Variants in NKAIN2 observed in about 807,000 individuals in gnomAD.
The protein encoded by NKAIN2 is sodium/potassium transporting ATPase interacting 2.
Under a neutral mutation model 32.6 loss-of-function variants are expected in NKAIN2, and 14 were observed. The observed-to-expected ratio is 0.43, with a 90% CI of 0.28 to 0.67. NKAIN2 has a LOEUF of 0.67. Ranked by LOEUF, NKAIN2 falls within the 30% of genes least tolerant of loss-of-function variation. The pLI, the probability that NKAIN2 is intolerant of heterozygous loss-of-function variation, is 0.17. For synonymous variants in NKAIN2, 80 were observed against 87.2 expected, an observed-to-expected ratio of 0.92 and a Z score of 0.46; for missense variants, 198 against 258.3, an observed-to-expected ratio of 0.77 and a Z score of 1.60.
chr6:124,108,216 A>G (rs1785206968), intron 1 of NKAIN2, among the ~76,000 whole-genome samples: 1 of 152,072 alleles, frequency 6.6e-6, no homozygotes, highest in Non-Finnish European at 1.5e-5. Context: ...AGACATCCTA[A>G]TAGGTACAAG....
At chr6:124,390,582 C>T (rs1305030107) in intron 3 of NKAIN2, among the ~76,000 whole-genome samples, 1 of 152,058 alleles carries the variant, frequency 6.6e-6, no homozygotes, top group Non-Finnish European at 1.5e-5. Flanking sequence ...GTTAGAGATA[C>T]ATGAACAGAG....
chr6:123,925,074 T>A (rs2114503032), intron 1 of NKAIN2, among the ~76,000 whole-genome samples: 1 of 152,294 alleles, frequency 6.6e-6, no homozygotes, highest in South Asian at 2.1e-4. Flanking sequence ...AATGGAATTT[T>A]TTTTGTTGCT....
At chr6:124,282,948 C>G (rs749252586) in intron 1 of NKAIN2, 57 bp from the exon 2 acceptor site, 1 of 1,511,866 alleles carries the variant, frequency 6.6e-7, no homozygotes, top group Non-Finnish European at 9.1e-7. Flanking sequence ...CTTTTTTCCT[C>G]TCACCACTGT....
At chr6:124,589,776 G>A (rs752662566) in intron 3 of NKAIN2, among the ~76,000 whole-genome samples, 1 of 151,976 alleles carries the variant, frequency 6.6e-6, no homozygotes, top group Non-Finnish European at 1.5e-5. Flanking sequence ...TCGTCATCTA[G>A]GTTTTAAGCC....
At position 124,257,186 on chromosome 6, in the gene NKAIN2, A is replaced by T. The variant is rs57755585; in HGVS notation, c.55-25819A>T. ...GGCTGAAGAATTTTGAGCTTTTTTT[A>T]TTTATTGTCTCTGTTGTGCTGAACT... On this transcript the variant is annotated intron_variant, in intron 1 of 6. Transcript: ENST00000368417. Among the ~76,000 whole-genome samples the T allele has an allele frequency of 5.4e-4, 29 of 53,790 alleles. No individual in the cohort carries two copies. The East Asian group carries it at 7.3e-3, about 13-fold the overall frequency. The allele number at this position is 53,790 out of a possible 152,430, so 35.3% of individuals were successfully genotyped here. A position where few individuals can be genotyped will look rare whatever the true frequency, so the allele number is the denominator to read the frequency against.
At chr6:124,710,830 A>C (rs1259120043) in intron 4 of NKAIN2, among the ~76,000 whole-genome samples, 1 of 149,422 alleles carries the variant, frequency 6.7e-6, no homozygotes, top group Non-Finnish European at 1.5e-5. Context: ...GTCCATTTAC[A>C]TTTAAAGTTA....
chr6:123,969,111 C>T (rs1446427828), intron 1 of NKAIN2, among the ~76,000 whole-genome samples: 1 of 152,146 alleles, frequency 6.6e-6, no homozygotes, highest in South Asian at 2.1e-4. Flanking sequence ...AACCCAATCT[C>T]AGTATCTCCT....
At chr6:124,139,250 G>A (rs984452452) in intron 1 of NKAIN2, among the ~76,000 whole-genome samples, 2 of 148,800 alleles carry the variant, frequency 1.3e-5, no homozygotes, top group Non-Finnish European at 3.0e-5. Context: ...CACCGCGCCC[G>A]GCTAATTTTT....
intron 1 of NKAIN2, among the ~76,000 whole-genome samples, chr6:124,190,308 C>A (rs1030570158): frequency 2.6e-5 from 4 of 152,208 alleles, no homozygotes; most frequent in Admixed American, 2.6e-4. Context: ...TTATAAAGCA[C>A]AGTGCAAATG....
chr6:124,468,256 C>T (rs1294180002), intron 3 of NKAIN2, among the ~76,000 whole-genome samples: 1 of 152,080 alleles, frequency 6.6e-6, no homozygotes, highest in African/African-American at 2.4e-5. Context: ...GGGTGATACA[C>T]TTATATTGGA....
intron 3 of NKAIN2, among the ~76,000 whole-genome samples, chr6:124,634,988 G>A (rs1783716069): frequency 6.9e-6 from 1 of 145,802 alleles, no homozygotes; most frequent in African/African-American, 2.5e-5. Flanking sequence ...AGAGAAAGAA[G>A]AGAGAAAGAA....
intron 4 of NKAIN2, among the ~76,000 whole-genome samples, chr6:124,784,414 A>G (rs767482875): frequency 6.6e-5 from 10 of 152,060 alleles, no homozygotes; most frequent in Non-Finnish European, 1.5e-4. Context: ...CCTGGAAACC[A>G]CCAACCTGTT....
chr6:124,652,276 C>T (rs1013052662), intron 3 of NKAIN2, among the ~76,000 whole-genome samples: 1 of 152,170 alleles, frequency 6.6e-6, no homozygotes, highest in African/African-American at 2.4e-5. Flanking sequence ...ATCAGAATGG[C>T]CTCTACTGCC....
chr6:124,422,774 G>A (rs1386441907), intron 3 of NKAIN2, among the ~76,000 whole-genome samples: 1 of 152,230 alleles, frequency 6.6e-6, no homozygotes, highest in East Asian at 1.9e-4. Context: ...AGATGCAGCA[G>A]TGCTGTGCTG....
At chr6:124,358,225 G>A (rs12662515) in intron 3 of NKAIN2, among the ~76,000 whole-genome samples, 22 of 152,156 alleles carry the variant, frequency 1.4e-4, no homozygotes, top group Middle Eastern at 3.4e-3. Context: ...GAATAGTGCC[G>A]AAATAAACAT....
intron 4 of NKAIN2, among the ~76,000 whole-genome samples, chr6:124,681,787 T>G (rs947130798): frequency 2.0e-5 from 3 of 152,016 alleles, no homozygotes; most frequent in Non-Finnish European, 4.4e-5. Context: ...TGTGAGAAAA[T>G]CTTCTATGTT....
At chr6:124,705,449 G>A (rs1775010776) in intron 4 of NKAIN2, among the ~76,000 whole-genome samples, 1 of 152,110 alleles carries the variant, frequency 6.6e-6, no homozygotes, top group East Asian at 1.9e-4. Flanking sequence ...ACAGACTGAT[G>A]TGGGGATAGT....
intron 3 of NKAIN2, among the ~76,000 whole-genome samples, chr6:124,611,398 G>A (rs1387414707): frequency 6.6e-6 from 1 of 152,068 alleles, no homozygotes; most frequent in Non-Finnish European, 1.5e-5. Flanking sequence ...TCTGGGATAC[G>A]TGTGTAGAAT....
chr6:124,175,133 A>T (rs1228084330), intron 1 of NKAIN2, among the ~76,000 whole-genome samples: 2 of 152,144 alleles, frequency 1.3e-5, no homozygotes, highest in Non-Finnish European at 2.9e-5. Flanking sequence ...GCTGAATGTT[A>T]TTAATACTAT....
Sources: allele counts gnomAD v4.1 joint callset (sites outside exome capture counted in the v4.1 genomes callset), GRCh38; gene constraint gnomAD v4.1.1; transcripts MANE v1.5; gene names NCBI Gene and HGNC (gene_info 2026-07-23, HGNC 2026-07-21).